IMMP2L: variants seen among roughly 807,000 people sequenced by gnomAD.
IMMP2L encodes the protein mitochondrial inner membrane protease subunit 2.
In IMMP2L, 18 loss-of-function variants were observed where a neutral mutation model predicts 19.3. The ratio of observed to expected loss-of-function variants is 0.93; its 90% CI spans 0.64 to 1.38. The LOEUF (loss-of-function observed/expected upper bound fraction) is 1.38, where lower values mean the gene tolerates loss of function less well. Ranked by LOEUF, IMMP2L falls within the 40% of genes most tolerant of loss-of-function variation. IMMP2L has a pLI of 0.00. For missense variants in IMMP2L, 233 were observed against 218.2 expected (o/e 1.07, Z -0.43); for synonymous variants, 76 against 73.0 (o/e 1.04, Z -0.21).
chr7:111,138,715 A>T (rs948299116), intron 3 of IMMP2L, among the ~76,000 whole-genome samples: 3 of 152,172 alleles, frequency 2.0e-5, no homozygotes, highest in Admixed American at 6.5e-5. Flanking sequence ...AGATAATTCT[A>T]TTTTAAAAGA....
At chr7:111,220,437 C>T (rs935556703) in intron 3 of IMMP2L, among the ~76,000 whole-genome samples, 1 of 151,826 alleles carries the variant, frequency 6.6e-6, no homozygotes, top group East Asian at 1.9e-4. Flanking sequence ...GGCATAAAAG[C>T]TAGATTTAAT....
intron 4 of IMMP2L, among the ~76,000 whole-genome samples, chr7:110,947,132 AAAC>A (rs1310469158): frequency 6.6e-6 from 1 of 152,194 alleles, no homozygotes; most frequent in East Asian, 1.9e-4. Context: ...ATACAAACTA[AAAC>A]AACAATAAGA....
chr7:111,534,795 T>C (rs1288324714), intron 1 of IMMP2L, among the ~76,000 whole-genome samples: 1 of 152,132 alleles, frequency 6.6e-6, no homozygotes, highest in Non-Finnish European at 1.5e-5. Flanking sequence ...AAAGTCTCAT[T>C]TGGTGGCTTC....
At chr7:110,703,813 G>C (rs1171287225) in intron 5 of IMMP2L, among the ~76,000 whole-genome samples, 1 of 151,812 alleles carries the variant, frequency 6.6e-6, no homozygotes, top group Non-Finnish European at 1.5e-5. Flanking sequence ...TAATCATGTA[G>C]AAAATAATAG....
intron 5 of IMMP2L, among the ~76,000 whole-genome samples, chr7:110,754,291 A>C (rs181344185): frequency 1.8e-3 from 274 of 152,184 alleles, no homozygotes; most frequent in African/African-American, 5.9e-3. Context: ...GTGAATATGG[A>C]TGCTACAACA....
intron 4 of IMMP2L, among the ~76,000 whole-genome samples, chr7:110,914,366 T>C (rs982143919): frequency 2.0e-5 from 3 of 152,162 alleles, no homozygotes; most frequent in Admixed American, 6.5e-5. Context: ...GCTCAACCAA[T>C]TGCATGTGAC....
intron 3 of IMMP2L, among the ~76,000 whole-genome samples, chr7:111,320,009 T>C (rs1563054713): frequency 6.6e-6 from 1 of 152,122 alleles, no homozygotes; most frequent in Admixed American, 6.6e-5. Context: ...TTCTGTGCAT[T>C]AAAACCACTT....
intron 1 of IMMP2L, among the ~76,000 whole-genome samples, chr7:111,527,519 T>A (rs967534208): frequency 6.6e-6 from 1 of 152,082 alleles, no homozygotes; most frequent in Non-Finnish European, 1.5e-5. Flanking sequence ...CTTAAGAACT[T>A]TGGCAGATAC....
chr7:110,810,483 G>A (rs1801962257), intron 5 of IMMP2L, among the ~76,000 whole-genome samples: 1 of 152,036 alleles, frequency 6.6e-6, no homozygotes, highest in South Asian at 2.1e-4. Flanking sequence ...CCTAAGAAAA[G>A]AGCTGAATTG....
chr7:111,004,580 G>A (rs1177489629), intron 3 of IMMP2L, among the ~76,000 whole-genome samples: 1 of 75,494 alleles, frequency 1.3e-5, no homozygotes, highest in Non-Finnish European at 3.0e-5. Flanking sequence ...TTGCAAAATA[G>A]ATCTTCTGAT....
intron 4 of IMMP2L, among the ~76,000 whole-genome samples, chr7:110,902,032 A>G (rs1001030455): frequency 2.0e-5 from 3 of 152,120 alleles, no homozygotes; most frequent in African/African-American, 7.2e-5. Context: ...GATTTGCCAC[A>G]AGTTATGGTA....
intron 3 of IMMP2L, among the ~76,000 whole-genome samples, chr7:111,063,554 A>G (rs1199099899): frequency 6.6e-6 from 1 of 152,136 alleles, no homozygotes; most frequent in Non-Finnish European, 1.5e-5. Context: ...TTTCTTTTCT[A>G]CTGCACTGTC....
chr7:110,797,289 C>T (rs1800929398), intron 5 of IMMP2L, among the ~76,000 whole-genome samples: 2 of 151,906 alleles, frequency 1.3e-5, no homozygotes, highest in Admixed American at 1.3e-4. Flanking sequence ...ACATTTCACC[C>T]CATTTGACTC....
intron 3 of IMMP2L, chr7:111,392,784 A>G (rs1455801247): frequency 1.5e-5 from 7 of 456,496 alleles, no homozygotes; most frequent in South Asian, 1.1e-4. Flanking sequence ...ATAAAACTCC[A>G]AAAAACACTT....
intron 5 of IMMP2L, among the ~76,000 whole-genome samples, chr7:110,669,390 A>AC (rs1260694595): frequency 6.6e-6 from 1 of 152,164 alleles, no homozygotes; most frequent in Non-Finnish European, 1.5e-5. Context: ...GAAGAGGCTT[A>AC]CCCACATTAC....
rs1043149622 is a variant in IMMP2L at position 110,820,547 on chromosome 7, T to C, written c.408+66046A>G. On this transcript the variant is annotated intron_variant, in intron 5 of 5. Transcript: ENST00000405709. ...TTATCTGAACATATATGTTTCATAT[T>C]ATGAGTATTATCTGACACACACACA... 7.9e-5 allele frequency among the ~76,000 whole-genome samples: 12 copies of C among 151,932 alleles called. No homozygotes were observed. The South Asian group carries it at 1.2e-3, about 16-fold the overall frequency.
intron 3 of IMMP2L, among the ~76,000 whole-genome samples, chr7:111,161,542 A>T (rs1805261781): frequency 6.6e-6 from 1 of 152,038 alleles, no homozygotes; most frequent in African/African-American, 2.4e-5. Flanking sequence ...AGTTATGGTT[A>T]AAAAAATAGC....
At chr7:110,963,982 G>C (rs1819254306) in intron 3 of IMMP2L, among the ~76,000 whole-genome samples, 1 of 140,370 alleles carries the variant, frequency 7.1e-6, no homozygotes, top group African/African-American at 2.7e-5. Context: ...GGATTATGGG[G>C]TTGGATTCCC....
intron 5 of IMMP2L, among the ~76,000 whole-genome samples, chr7:110,814,215 T>A (rs1208797471): frequency 1.3e-5 from 2 of 151,954 alleles, no homozygotes; most frequent in Non-Finnish European, 2.9e-5. Context: ...CTCTGGAGAA[T>A]TTTTCTTATG....
Sources: allele counts gnomAD v4.1 joint callset (sites outside exome capture counted in the v4.1 genomes callset), GRCh38; gene constraint gnomAD v4.1.1; transcripts MANE v1.5; gene names NCBI Gene and HGNC (gene_info 2026-07-23, HGNC 2026-07-21).